The following ITGAV variants were observed in gnomAD, a reference collection of about 807,000 sequenced individuals.
ITGAV encodes integrin subunit alpha V.
A neutral mutation model predicts 143.8 loss-of-function variants in ITGAV; 76 were observed. That is an observed-to-expected ratio of 0.53 (90% CI 0.44 to 0.64). The LOEUF (loss-of-function observed/expected upper bound fraction) is 0.64. ITGAV is among the 30% of genes least tolerant of loss of function. The pLI, the probability that ITGAV is intolerant of heterozygous loss-of-function variation, is 0.00. For synonymous variants in ITGAV, 453 were observed against 446.7 expected (o/e 1.01, Z -0.18); for missense variants, 1,193 against 1,274.7 (o/e 0.94, Z 0.98).
At chr2:186,607,728 A>C (rs1687107892) in intron 2 of ITGAV, among the ~76,000 whole-genome samples, 1 of 152,220 alleles carries the variant, frequency 6.6e-6, no homozygotes, top group African/African-American at 2.4e-5. Flanking sequence ...AATGGTTATT[A>C]AAACCACTTT....
chr2:186,592,334 G>A (rs542170635), intron 1 of ITGAV, among the ~76,000 whole-genome samples: 5 of 152,282 alleles, frequency 3.3e-5, no homozygotes, highest in Admixed American at 1.3e-4. Flanking sequence ...CGCTCTGCGG[G>A]AGGCTGAGAT....
At chr2:186,603,735 T>G (rs1027158443) in intron 2 of ITGAV, among the ~76,000 whole-genome samples, 6 of 152,244 alleles carry the variant, frequency 3.9e-5, no homozygotes, top group Non-Finnish European at 8.8e-5. Flanking sequence ...TGCAAGATAA[T>G]TTATTGCTTC....
intron 4 of ITGAV, among the ~76,000 whole-genome samples, chr2:186,629,585 C>A (rs565968848): frequency 6.6e-6 from 1 of 151,034 alleles, no homozygotes; most frequent in African/African-American, 2.4e-5. Context: ...AAAAAAAAAA[C>A]TTTAAAAAAA....
chr2:186,671,063 C>A (rs561073722), intron 26 of ITGAV, among the ~76,000 whole-genome samples: 2 of 152,298 alleles, frequency 1.3e-5, no homozygotes, highest in South Asian at 4.1e-4. Flanking sequence ...CCCCTTCTCA[C>A]CAGTTTCATC....
Position 186,646,862 on chromosome 2 carries a change from A to G in ITGAV, c.1336A>G (p.Lys446Glu), listed in dbSNP as rs1290161417. 2.5e-6 allele frequency: 4 copies of G among 1,585,370 alleles called. No individual in the cohort carries two copies. In the Admixed American group the frequency reaches 7.0e-5, roughly 28 times the overall value. ...YSMKGATDID[K>E]NGYPDLIVGA... ...AATGAAAGGAGCCACAGATATAGAC[A>G]AAAATGGATATCCAGGTGCTTTCTT... Residue 446 changes from lysine (K) to glutamate (E), a missense_variant, in exon 13 of 30, where the codon AAA becomes GAA. Coordinates refer to ENST00000261023, the MANE Select transcript of ITGAV (RefSeq NM_002210.5).
intron 24 of ITGAV, among the ~76,000 whole-genome samples, chr2:186,668,203 T>C (rs1688958436): frequency 5.0e-5 from 1 of 19,882 alleles, no homozygotes; most frequent in Non-Finnish European, 1.2e-4. Flanking sequence ...TATATATATA[T>C]ATATATATAT....
chr2:186,669,521 A>C (rs1689004385), intron 25 of ITGAV, among the ~76,000 whole-genome samples, 180 bp from the exon 26 acceptor site: 1 of 152,206 alleles, frequency 6.6e-6, no homozygotes, highest in African/African-American at 2.4e-5. Flanking sequence ...GGTACATATT[A>C]AAGACTCTAA....
chr2:186,667,315 T>G (rs1375857869), intron 23 of ITGAV, 85 bp downstream of exon 23: 4 of 975,086 alleles, frequency 4.1e-6, no homozygotes, highest in Non-Finnish European at 6.4e-6. Context: ...TTCTGGACAA[T>G]AGACCCTGCA....
intron 20 of ITGAV, among the ~76,000 whole-genome samples, 163 bp downstream of exon 20, chr2:186,664,804 A>C (rs897884318): frequency 3.9e-5 from 6 of 152,326 alleles, no homozygotes; most frequent in South Asian, 2.1e-4. Context: ...TAAGCCTAAT[A>C]CTTTGCATAA....
chr2:186,622,063 A>G (rs1687541014), intron 2 of ITGAV, among the ~76,000 whole-genome samples: 1 of 152,204 alleles, frequency 6.6e-6, no homozygotes, highest in Non-Finnish European at 1.5e-5. Context: ...CAGTTGAGCA[A>G]CTGGAAAACT....
intron 11 of ITGAV, 168 bp from the exon 12 acceptor site, chr2:186,641,218 A>C: frequency 1.6e-6 from 1 of 627,256 alleles, no homozygotes; most frequent in South Asian, 2.1e-5. Context: ...TTCTTAAAAG[A>C]ATTAAAGGAA....
At chr2:186,668,185 C>CATATATGTATATATAT (rs1553505647) in intron 24 of ITGAV, among the ~76,000 whole-genome samples, 20 of 19,074 alleles carry the variant, frequency 1.0e-3, no homozygotes, top group South Asian at 3.5e-3. Context: ...TACATACATA[C>CATATATGTATATATAT]ATATATATAT....
At chr2:186,626,566 T>TA (rs1559048538) in intron 4 of ITGAV, among the ~76,000 whole-genome samples, 1 of 152,234 alleles carries the variant, frequency 6.6e-6, no homozygotes, top group Admixed American at 6.5e-5. Flanking sequence ...CCATGTTAGG[T>TA]GACCTGTGAC....
intron 26 of ITGAV, among the ~76,000 whole-genome samples, chr2:186,670,617 G>A (rs536208999): frequency 2.0e-5 from 3 of 152,248 alleles, no homozygotes; most frequent in South Asian, 4.1e-4. Flanking sequence ...ATGTTCAATA[G>A]TGATCACTAG....
At chr2:186,595,635 A>T (rs1686729872) in intron 1 of ITGAV, among the ~76,000 whole-genome samples, 1 of 152,020 alleles carries the variant, frequency 6.6e-6, no homozygotes, top group South Asian at 2.1e-4. Flanking sequence ...CATGGATGTA[A>T]ACCTTAATTT....
chr2:186,671,873 T>C lies in ITGAV; in HGVS notation c.2706+2059T>C, dbSNP rs543163858. 4.5e-4 allele frequency among the ~76,000 whole-genome samples: 69 copies of C among 151,948 alleles called. 1 individual carries two copies. Among genetic ancestry groups the C allele is most frequent in the Admixed American group, 4.1e-3 (62 of 15,268 alleles). ...CATACATATAGTATCATACAACATA[T>C]GGCCTTTTGTGTCTAGCCTTCTTTC... On this transcript the variant is annotated intron_variant, in intron 26 of 29. Transcript: ENST00000261023.
At chr2:186,677,036 C>A in intron 29 of ITGAV, 101 bp downstream of exon 29, 1 of 1,324,618 alleles carries the variant, frequency 7.5e-7, no homozygotes, top group South Asian at 1.3e-5. Context: ...AAGAAAGGGA[C>A]TGTAATGATG....
At chr2:186,630,553 G>A (rs574837735) in intron 4 of ITGAV, among the ~76,000 whole-genome samples, 44 of 151,906 alleles carry the variant, frequency 2.9e-4, no homozygotes, top group African/African-American at 1.0e-3. Flanking sequence ...TATCATTTTA[G>A]TTGGTTTCTT....
At chr2:186,676,336 T>A (rs185795975) in intron 28 of ITGAV, 72 of 170,520 alleles carry the variant, frequency 4.2e-4, no homozygotes, top group African/African-American at 1.6e-3. Flanking sequence ...TGTGGTTGCC[T>A]CACACCTGTA....
Sources: allele counts gnomAD v4.1 joint callset (sites outside exome capture counted in the v4.1 genomes callset), GRCh38; gene constraint gnomAD v4.1.1; transcripts MANE v1.5; gene names NCBI Gene and HGNC (gene_info 2026-07-23, HGNC 2026-07-21).